The following PRKAR1A variants were observed in gnomAD, a reference collection of about 807,000 sequenced individuals.
The protein encoded by PRKAR1A is protein kinase cAMP-dependent type I regulatory subunit alpha.
Under a neutral mutation model 52.0 loss-of-function variants are expected in PRKAR1A, and 3 were observed. The ratio of observed to expected loss-of-function variants is 0.06; its 90% confidence interval spans 0.03 to 0.15. PRKAR1A has a LOEUF of 0.15. Ranked by LOEUF, PRKAR1A falls within the 10% of genes least tolerant of loss-of-function variation. The pLI is 1.00. For missense variants in PRKAR1A, 240 were observed against 477.4 expected (o/e 0.50, Z 4.63); for synonymous variants, 188 against 168.4 (o/e 1.12, Z -0.90).
chr17:68,453,947 CT>C, the PRKAR1A span, among the ~76,000 whole-genome samples: 3 of 152,136 alleles, frequency 2.0e-5, no homozygotes, highest in African/African-American at 7.2e-5. Context: ...TTCAAGTATT[CT>C]AATGAGCAGC....
chr17:68,468,874 G>A, the PRKAR1A span, among the ~76,000 whole-genome samples: 2 of 152,092 alleles, frequency 1.3e-5, no homozygotes, highest in East Asian at 1.9e-4. Flanking sequence ...TATTTAAAGT[G>A]GCCCATTCCT....
chr17:68,537,465 C>T, downstream of PRKAR1A: 1 of 1,614,064 alleles, frequency 6.2e-7, no homozygotes, highest in Non-Finnish European at 8.5e-7. This position sits in a 1 kb window ranked among gnomAD's most constrained non-coding sequence, Gnocchi z 4.2. Context: ...TGAAACTGGA[C>T]TCTGCCAGCC....
chr17:68,509,500 A>G (rs1022905775), upstream of PRKAR1A, among the ~76,000 whole-genome samples: 1 of 152,232 alleles, frequency 6.6e-6, no homozygotes, highest in African/African-American at 2.4e-5. Context: ...CTCTAGAAAC[A>G]TATTTTTAAA....
chr17:68,515,426 T>G lies in PRKAR1A; in HGVS notation c.27T>G (p.Ser9Arg), dbSNP rs745391692. 5 of 1,613,336 alleles carry G rather than the reference T, an allele frequency of 3.1e-6. No individual in the cohort carries two copies. The African/African-American group carries it at 4.0e-5, about 13-fold the overall frequency. MESGSTAA[S>R]EEARSLRECE... ...TGGAGTCTGGCAGTACCGCCGCCAG[T>G]GAGGAGGCACGCAGCCTTCGAGAAT... Residue 9 changes from serine to arginine, a missense_variant, in exon 2 of 11, where the codon AGT becomes AGG. Coordinates refer to ENST00000589228, the MANE Select transcript of PRKAR1A (RefSeq NM_002734.5).
chr17:68,519,408 G>T (rs377249597), intron 2 of PRKAR1A, among the ~76,000 whole-genome samples: 1 of 152,260 alleles, frequency 6.6e-6, no homozygotes, highest in East Asian at 1.9e-4. Context: ...CAAGCAAAAG[G>T]GGGAAAAGCC....
At chr17:68,542,041 G>T in intron 11 of PRKAR1A, 1 of 1,614,136 alleles carries the variant, frequency 6.2e-7, no homozygotes, top group Non-Finnish European at 8.5e-7. Flanking sequence ...CAGACAGCCT[G>T]GGGGCCAGGT....
In PRKAR1A at chr17:68,530,607, A is replaced by G; in HGVS notation, c.*158A>G. ...AGTTGCTTTTATTGCACCATTTTCA[A>G]TTTGGAGCATTAACTAAATGCTCAT... is the stretch of plus-strand genomic sequence containing the variant. On this transcript the variant is annotated 3_prime_UTR_variant, in exon 11 of 11. Coordinates refer to ENST00000589228, the MANE Select transcript of PRKAR1A (RefSeq NM_002734.5). The G allele has an allele frequency of 1.3e-6, 2 of 1,534,736 alleles. No individual in the cohort carries two copies. The highest frequency in any genetic ancestry group is 2.4e-5 in the East Asian group (1 of 41,036).
chr17:68,441,853 A>G, the PRKAR1A span, among the ~76,000 whole-genome samples: 1 of 152,214 alleles, frequency 6.6e-6, no homozygotes, highest in African/African-American at 2.4e-5. Flanking sequence ...ACCTTGGGCT[A>G]TATCTCCAAA....
At chr17:68,530,099 T>G (rs757595942) in intron 10 of PRKAR1A, 98 bp downstream of exon 10, 2 of 1,512,630 alleles carry the variant, frequency 1.3e-6, no homozygotes, top group South Asian at 2.3e-5. Flanking sequence ...TCCTGAATTT[T>G]ATTTTCTAAC....
intron 11 of PRKAR1A, chr17:68,541,015 G>A: frequency 6.5e-7 from 1 of 1,548,940 alleles, no homozygotes; most frequent in Non-Finnish European, 8.7e-7. Context: ...GGTGTCGGGG[G>A]TCTCCCCACA....
rs1465386585 is a variant in PRKAR1A at position 68,532,565 on chromosome 17, CT to C, written c.*2119del. 1.9e-6 allele frequency: 2 copies of C among 1,065,816 alleles called. No individual in the cohort carries two copies. Among genetic ancestry groups the C allele is most frequent in the Non-Finnish European group, 2.3e-6 (2 of 879,486 alleles). 66.0% of individuals were successfully genotyped at this position (1,065,816 alleles called of 1,614,324 possible). A position where few individuals can be genotyped will look rare whatever the true frequency, so the allele number is the denominator to read the frequency against. On this transcript the variant is annotated 3_prime_UTR_variant, in exon 11 of 11. Coordinates refer to ENST00000589228, the MANE Select transcript of PRKAR1A (RefSeq NM_002734.5). ...AATTTGTCTTAGTTGATATTCAAGG[CT>C]TTAAAAGTCATTATTCCTGGGCTTG...
chr17:68,489,040 G>T, the PRKAR1A span, among the ~76,000 whole-genome samples: 1 of 149,000 alleles, frequency 6.7e-6, no homozygotes, highest in East Asian at 2.0e-4. Flanking sequence ...TTTTTCCTAA[G>T]GCTTGTCTGA....
the PRKAR1A span, chr17:68,424,526 G>C: frequency 1.9e-6 from 1 of 533,564 alleles, no homozygotes. Context: ...TTGTTTCAGT[G>C]CCCAAGTGGC....
At chr17:68,512,693 G>A (rs986765362) in intron 1 of PRKAR1A, 145 bp downstream of exon 1, 2 of 151,896 alleles carry the variant, frequency 1.3e-5, no homozygotes, top group African/African-American at 4.8e-5. Context: ...CCGGCCCGGC[G>A]GGCGCCTCCC....
At chr17:68,465,657 C>CG in the PRKAR1A span, among the ~76,000 whole-genome samples, 23 of 29,162 alleles carry the variant, frequency 7.9e-4, no homozygotes, top group East Asian at 9.5e-3. Flanking sequence ...TTTGTAGAGA[C>CG]GGGGTTTCAC....
At chr17:68,470,212 G>T in the PRKAR1A span, among the ~76,000 whole-genome samples, 2 of 151,702 alleles carry the variant, frequency 1.3e-5, no homozygotes, top group Admixed American at 6.6e-5. Flanking sequence ...CCTCCTAATA[G>T]CTGGGATTAC....
chr17:68,504,271 C>G, the PRKAR1A span, among the ~76,000 whole-genome samples: 2 of 151,680 alleles, frequency 1.3e-5, no homozygotes, highest in Admixed American at 6.6e-5. Flanking sequence ...TTGAGACCAG[C>G]CTGACCAACA....
the PRKAR1A span, among the ~76,000 whole-genome samples, chr17:68,499,096 G>A: frequency 6.6e-5 from 10 of 152,294 alleles, no homozygotes; most frequent in East Asian, 1.4e-3. Flanking sequence ...ACCTCACAAC[G>A]GTTCCAGGCA....
At chr17:68,438,937 C>T in the PRKAR1A span, among the ~76,000 whole-genome samples, 13 of 152,094 alleles carry the variant, frequency 8.5e-5, no homozygotes, top group African/African-American at 1.2e-4. Flanking sequence ...GTTAAAAACA[C>T]GATGAGATAC....
Sources: allele counts gnomAD v4.1 joint callset (sites outside exome capture counted in the v4.1 genomes callset), GRCh38; gene constraint gnomAD v4.1.1; non-coding constraint Gnocchi (gnomAD v3.1); transcripts MANE v1.5; gene names NCBI Gene and HGNC (gene_info 2026-07-23, HGNC 2026-07-21).